Variants in GRIA1 observed in about 807,000 individuals in gnomAD.
GRIA1 encodes the protein glutamate ionotropic receptor AMPA type subunit 1.
A neutral mutation model predicts 99.2 loss-of-function variants in GRIA1; 31 were observed. The ratio of observed to expected loss-of-function variants is 0.31; its 90% CI spans 0.23 to 0.42. GRIA1 has a LOEUF of 0.42. GRIA1 is among the 10% of genes least tolerant of loss of function. The pLI is 1.00. For synonymous variants in GRIA1, 438 were observed against 432.4 expected (o/e 1.01, Z -0.16); for missense variants, 782 against 1,157.5 (o/e 0.68, Z 4.71).
intron 2 of GRIA1, among the ~76,000 whole-genome samples, chr5:153,562,146 A>G (rs917408797): frequency 6.6e-6 from 1 of 152,198 alleles, no homozygotes; most frequent in African/African-American, 2.4e-5. Context: ...ATTTTGGCTG[A>G]TTGCTGTGTA....
chr5:153,625,532 G>T (rs1767517906), intron 2 of GRIA1, among the ~76,000 whole-genome samples: 1 of 152,186 alleles, frequency 6.6e-6, no homozygotes, highest in Non-Finnish European at 1.5e-5. Flanking sequence ...TGATACCACG[G>T]CACTCACGGG....
chr5:153,670,964 G>A (rs1383657934), intron 5 of GRIA1, among the ~76,000 whole-genome samples: 2 of 152,124 alleles, frequency 1.3e-5, no homozygotes, highest in Admixed American at 1.3e-4. Flanking sequence ...GAAATAGGAG[G>A]GAAGATGTCA....
intron 11 of GRIA1, among the ~76,000 whole-genome samples, chr5:153,710,727 G>T (rs1227771355): frequency 6.6e-6 from 1 of 152,172 alleles, no homozygotes; most frequent in African/African-American, 2.4e-5. Context: ...AAGTGCTGAG[G>T]ATATGAAGAT....
intron 2 of GRIA1, among the ~76,000 whole-genome samples, chr5:153,523,101 T>C (rs1177001473): frequency 1.3e-5 from 2 of 151,748 alleles, no homozygotes; most frequent in African/African-American, 2.4e-5. Context: ...TCTCTTATCA[T>C]GTCATCTCTC....
intron 2 of GRIA1, among the ~76,000 whole-genome samples, chr5:153,588,597 A>G (rs561890112): frequency 2.2e-4 from 34 of 152,218 alleles, no homozygotes; most frequent in Non-Finnish European, 3.5e-4. Context: ...GTGACCTAGG[A>G]CAGATTGCTT....
intron 7 of GRIA1, among the ~76,000 whole-genome samples, chr5:153,686,013 C>A (rs1757315085): frequency 6.6e-6 from 1 of 152,152 alleles, no homozygotes; most frequent in South Asian, 2.1e-4. Context: ...TAGGTAAAAA[C>A]AATTGTCAGG....
rs1756860684 is a variant in GRIA1 at position 153,518,781 on chromosome 5, G to C, written c.220+24716G>C. Among the ~76,000 whole-genome samples, 2 of 152,176 alleles carry C rather than the reference G, an allele frequency of 1.3e-5. 1 individual carries two copies. The highest frequency in any genetic ancestry group is 4.1e-4 in the South Asian group (2 of 4,832). ...AAACTACATAAAAATGCATTTGGCA[G>C]ATGCAGAAATGGAGATACTGCGAGG... On this transcript the variant is annotated intron_variant, in intron 2 of 15. Coordinates refer to ENST00000285900, the MANE Select transcript of GRIA1 (RefSeq NM_000827.4).
chr5:153,699,199 T>G, intron 10 of GRIA1, 126 bp downstream of exon 10: 1 of 703,218 alleles, frequency 1.4e-6, no homozygotes, highest in Non-Finnish European at 2.5e-6. Flanking sequence ...TTGTTGCTGC[T>G]GAACAGATGA....
chr5:153,590,078 AGTTTT>A (rs1257435275), intron 2 of GRIA1, among the ~76,000 whole-genome samples: 3 of 152,208 alleles, frequency 2.0e-5, no homozygotes, highest in Non-Finnish European at 4.4e-5. Context: ...TTGGTTTTAT[AGTTTT>A]AAGATAGCTA....
At chr5:153,615,589 A>G (rs918669197) in intron 2 of GRIA1, among the ~76,000 whole-genome samples, 1 of 152,184 alleles carries the variant, frequency 6.6e-6, no homozygotes, top group African/African-American at 2.4e-5. Context: ...GGCTGCAGTG[A>G]GCTATGATTG....
At chr5:153,741,506 A>G (rs1312518123) in intron 11 of GRIA1, among the ~76,000 whole-genome samples, 2 of 152,210 alleles carry the variant, frequency 1.3e-5, no homozygotes. Context: ...AAATAACCTA[A>G]ATGTACATTG....
chr5:153,810,351 A>G (rs903004977), intron 15 of GRIA1, among the ~76,000 whole-genome samples: 1 of 152,210 alleles, frequency 6.6e-6, no homozygotes, highest in Non-Finnish European at 1.5e-5. Flanking sequence ...TAGATTTTGC[A>G]TATTGTATTA....
Position 153,706,979 on chromosome 5 carries a change from G to A in GRIA1, c.1823+912G>A, listed in dbSNP as rs957464182. 6.6e-5 allele frequency among the ~76,000 whole-genome samples: 10 copies of A among 152,104 alleles called. No homozygotes were observed. In the East Asian group the frequency reaches 1.7e-3, roughly 26 times the overall value. On this transcript the variant is annotated intron_variant, in intron 11 of 15. Coordinates refer to ENST00000285900, the MANE Select transcript of GRIA1 (RefSeq NM_000827.4). Reference sequence around the variant, plus strand: ...AATAATAATAATAAATTAGCTGGATGTGGTGGCAGGTGCCCGTAATTCCAG... The same window carrying A: ...AATAATAATAATAAATTAGCTGGATATGGTGGCAGGTGCCCGTAATTCCAG...
rs146893972 is a variant in GRIA1, at chr5:153,748,219, G to A, written c.1824-16215G>A. 7.1e-3 allele frequency among the ~76,000 whole-genome samples: 1,089 copies of A among 152,312 alleles called. 11 individuals carry two copies. The highest frequency in any genetic ancestry group is 0.013 in the Non-Finnish European group (859 of 68,028). ...AATAAGAGAAAAGATGGGTGATGGA[G>A]GTAATGATACTTAGAGTGGTGCATA... On this transcript the variant is annotated intron_variant, in intron 11 of 15. Coordinates refer to ENST00000285900, the MANE Select transcript of GRIA1 (RefSeq NM_000827.4).
intron 2 of GRIA1, among the ~76,000 whole-genome samples, chr5:153,548,454 A>G (rs1308484357): frequency 6.6e-6 from 1 of 152,202 alleles, no homozygotes; most frequent in Non-Finnish European, 1.5e-5. Context: ...AGACCCAGAG[A>G]CTAAATGTCC....
intron 7 of GRIA1, among the ~76,000 whole-genome samples, chr5:153,684,120 C>T (rs1270953319): frequency 6.6e-6 from 1 of 152,146 alleles, no homozygotes; most frequent in Non-Finnish European, 1.5e-5. Flanking sequence ...AAGACTTGAG[C>T]AGATCACTTT....
At chr5:153,587,120 T>G (rs1426673246) in intron 2 of GRIA1, among the ~76,000 whole-genome samples, 2 of 152,200 alleles carry the variant, frequency 1.3e-5, no homozygotes, top group Admixed American at 6.5e-5. Flanking sequence ...TGTTGAATTG[T>G]AATCCCCAAT....
intron 2 of GRIA1, among the ~76,000 whole-genome samples, chr5:153,634,012 C>T (rs1753164613): frequency 6.6e-6 from 1 of 151,806 alleles, no homozygotes; most frequent in African/African-American, 2.4e-5. Flanking sequence ...AACAAGGTAC[C>T]GCAATAGAGA....
intron 11 of GRIA1, among the ~76,000 whole-genome samples, chr5:153,762,760 C>T (rs1763269476): frequency 6.6e-6 from 1 of 152,184 alleles, no homozygotes; most frequent in Non-Finnish European, 1.5e-5. Flanking sequence ...TGGTTCACTA[C>T]TTGAACACCT....
Sources: gnomAD v4.1 joint callset for allele counts (sites outside exome capture counted in the v4.1 genomes callset) on GRCh38, gnomAD v4.1.1 for gene constraint, MANE v1.5 for transcripts, NCBI Gene and HGNC (gene_info 2026-07-23, HGNC 2026-07-21) for gene names.